Variants in DENND5B observed in about 807,000 individuals in gnomAD.
The protein encoded by DENND5B is DENN domain containing 5B.
Under a neutral mutation model 140.6 loss-of-function variants are expected in DENND5B, and 34 were observed. The ratio of observed to expected loss-of-function variants is 0.24; its 90% CI spans 0.18 to 0.32. DENND5B has a LOEUF of 0.32. Among genes scored for constraint, DENND5B ranks in the 10% least tolerant of loss-of-function variants. The pLI is 1.00. For synonymous variants in DENND5B, 551 were observed against 562.1 expected (o/e 0.98, Z 0.28); for missense variants, 1,142 against 1,560.2 (o/e 0.73, Z 4.52).
At chr12:31,420,905 C>T (rs1298888019) in intron 11 of DENND5B, among the ~76,000 whole-genome samples, 6 of 152,184 alleles carry the variant, frequency 3.9e-5, no homozygotes, top group Non-Finnish European at 8.8e-5. Context: ...CCACTATGGT[C>T]CCTATCTTTC....
At chr12:31,432,381 G>T (rs898617142) in intron 8 of DENND5B, 1 of 152,094 alleles carries the variant, frequency 6.6e-6, no homozygotes, top group Non-Finnish European at 1.5e-5. Context: ...GAGATGTTTG[G>T]GATGATGTTT....
At chr12:31,529,236 G>C (rs921920067) in intron 1 of DENND5B, among the ~76,000 whole-genome samples, 1 of 151,188 alleles carries the variant, frequency 6.6e-6, no homozygotes, top group Non-Finnish European at 1.5e-5. Context: ...GATGATGACA[G>C]CAATCTATGA....
chr12:31,524,675 T>G (rs984186201), intron 1 of DENND5B, among the ~76,000 whole-genome samples: 1 of 148,998 alleles, frequency 6.7e-6, no homozygotes, highest in African/African-American at 2.5e-5. Context: ...AGAAGGAATA[T>G]CCTTGAAATT....
intron 8 of DENND5B, chr12:31,432,205 G>A (rs771486728): frequency 6.5e-6 from 5 of 764,654 alleles, no homozygotes; most frequent in Non-Finnish European, 7.9e-6. Context: ...GAAAAGGATA[G>A]GGAGAAAGAG....
intron 1 of DENND5B, among the ~76,000 whole-genome samples, chr12:31,540,125 T>A (rs1948636467): frequency 6.6e-6 from 1 of 152,030 alleles, no homozygotes; most frequent in Admixed American, 6.6e-5. Flanking sequence ...CCATTTACAA[T>A]AACTACAAAT....
At chr12:31,536,432 T>C (rs563997614) in intron 1 of DENND5B, among the ~76,000 whole-genome samples, 1 of 152,168 alleles carries the variant, frequency 6.6e-6, no homozygotes, top group South Asian at 2.1e-4. Context: ...AACTGACATA[T>C]TGAAGAATGC....
At chr12:31,463,626 T>C (rs7135856) in intron 3 of DENND5B, among the ~76,000 whole-genome samples, 85,207 of 152,076 alleles carry the variant, frequency 0.56, 24,410 homozygotes, top group East Asian at 0.82. Context: ...TCCAGTTCTG[T>C]ATTCTCTTCA....
rs188001375 is a variant in DENND5B at position 31,446,345 on chromosome 12, C to T, written c.1861+1193G>A. Among the ~76,000 whole-genome samples the T allele has an allele frequency of 6.6e-4, 101 of 152,128 alleles. 2 individuals carry two copies. In the South Asian group the frequency reaches 0.018, roughly 27 times the overall value. The stretch of plus-strand genomic sequence containing the variant: ...TGTATTTTTAGTAGAGATGGGGTTT[C>T]GCCATGTCGGCCAGGCTGGTCTTGA... On this transcript the variant is annotated intron_variant, in intron 6 of 20. Coordinates refer to ENST00000389082, the MANE Select transcript of DENND5B (RefSeq NM_144973.4).
At chr12:31,473,028 CT>C (rs1168633944) in intron 3 of DENND5B, among the ~76,000 whole-genome samples, 1 of 152,188 alleles carries the variant, frequency 6.6e-6, no homozygotes, top group Non-Finnish European at 1.5e-5. Context: ...CAACCTCCAC[CT>C]CCCAGGCTCA....
At chr12:31,495,667 C>A (rs879902027) in intron 2 of DENND5B, 143 bp downstream of exon 2, 1 of 708,314 alleles carries the variant, frequency 1.4e-6, no homozygotes, top group Non-Finnish European at 2.2e-6. Flanking sequence ...TGAGCCACCA[C>A]ACCCGGCCTC....
intron 1 of DENND5B, among the ~76,000 whole-genome samples, chr12:31,532,237 A>T (rs1948313164): frequency 2.6e-5 from 4 of 152,220 alleles, no homozygotes; most frequent in Admixed American, 1.3e-4. Context: ...TAGGACTTAA[A>T]GAATAATTAG....
chr12:31,394,873 A>G (rs557153358), intron 17 of DENND5B, among the ~76,000 whole-genome samples: 4 of 152,084 alleles, frequency 2.6e-5, no homozygotes, highest in Non-Finnish European at 5.9e-5. Flanking sequence ...TTGGCCTCCC[A>G]AAGTGCTGTA....
At chr12:31,473,750 G>A (rs1945663711) in intron 3 of DENND5B, among the ~76,000 whole-genome samples, 1 of 152,126 alleles carries the variant, frequency 6.6e-6, no homozygotes, top group African/African-American at 2.4e-5. Context: ...GGTATCTAAG[G>A]CGATTTTGGA....
At chr12:31,557,509 G>A (rs1171066417) in intron 1 of DENND5B, among the ~76,000 whole-genome samples, 2 of 151,868 alleles carry the variant, frequency 1.3e-5, no homozygotes, top group African/African-American at 4.8e-5. Flanking sequence ...AGCCTCCCAA[G>A]TAGCTGGGAT....
At position 31,495,389 on chromosome 12, in the gene DENND5B, C is replaced by CTTTTTTT. The variant is rs149645342; in HGVS notation, c.237+414_237+420dup. On this transcript the variant is annotated intron_variant, in intron 2 of 20. Coordinates refer to ENST00000389082, the MANE Select transcript of DENND5B (RefSeq NM_144973.4). ...GAGAGTATCACATTTCTTTTTTTTT[C>CTTTTTTT]TTTTTTTGAGACAGAGTCTCGCTCT... is the stretch of plus-strand genomic sequence containing the variant. Among the ~76,000 whole-genome samples, 6 of 136,196 alleles carry CTTTTTTT rather than the reference C, an allele frequency of 4.4e-5. 2 individuals carry two copies. The highest frequency in any genetic ancestry group is 7.7e-5 in the Non-Finnish European group (5 of 64,976). 89.3% of individuals were successfully genotyped at this position (136,196 alleles called of 152,430 possible).
rs71062425 is a variant in DENND5B at position 31,404,759 on chromosome 12, C to CTTTTTTTTTTT, written c.2804-2127_2804-2117dup. On this transcript the variant is annotated intron_variant, in intron 14 of 20. Transcript: ENST00000389082. ...ATAAGCCACCGCGTCCGACCTCTAG[C>CTTTTTTTTTTT]TTTTTTTTTTTTTTTTTGAGACAGA... Among the ~76,000 whole-genome samples the CTTTTTTTTTTT allele has an allele frequency of 1.8e-3, 134 of 74,052 alleles. 32 individuals are homozygous for CTTTTTTTTTTT. Among genetic ancestry groups the CTTTTTTTTTTT allele is most frequent in the East Asian group, 4.4e-3 (9 of 2,038 alleles). The allele number at this position is 74,052 out of a possible 152,430, so 48.6% of individuals were successfully genotyped here.
In DENND5B at chr12:31,581,527, A is replaced by G. The variant is rs1481093987; in HGVS notation, c.127+9179T>C. ...AACATGGTGAAACTCCGTCTCTACT[A>G]AAAATACAAAAAAAAATTAGAGGGA... On this transcript the variant is annotated intron_variant, in intron 1 of 20. Coordinates refer to ENST00000389082, the MANE Select transcript of DENND5B (RefSeq NM_144973.4). 3.3e-5 allele frequency among the ~76,000 whole-genome samples: 5 copies of G among 152,058 alleles called. No individual in the cohort carries two copies. In the East Asian group the frequency reaches 9.7e-4, roughly 29 times the overall value.
chr12:31,483,795 CTGTT>C (rs1381768825), intron 2 of DENND5B, among the ~76,000 whole-genome samples: 1 of 151,010 alleles, frequency 6.6e-6, no homozygotes, highest in African/African-American at 2.4e-5. Context: ...TTATTACTTG[CTGTT>C]TATTTTAGAT....
At chr12:31,478,472 C>T (rs200878196) in intron 3 of DENND5B, among the ~76,000 whole-genome samples, 4 of 152,150 alleles carry the variant, frequency 2.6e-5, no homozygotes, top group Admixed American at 2.0e-4. Context: ...TGGGAGGCCA[C>T]GGCAGGAGGA....
Sources: gnomAD v4.1 joint callset for allele counts (sites outside exome capture counted in the v4.1 genomes callset) on GRCh38, gnomAD v4.1.1 for gene constraint, MANE v1.5 for transcripts, NCBI Gene and HGNC (gene_info 2026-07-23, HGNC 2026-07-21) for gene names.